The following EEF1AKMT2 variants were observed in gnomAD, a reference collection of about 807,000 sequenced individuals.
The protein encoded by EEF1AKMT2 is EEF1A lysine methyltransferase 2.
Under a neutral mutation model 35.8 loss-of-function variants are expected in EEF1AKMT2, and 32 were observed. That is an observed-to-expected ratio of 0.89 (90% CI 0.67 to 1.20). The LOEUF (loss-of-function observed/expected upper bound fraction) is 1.20, where lower values mean the gene tolerates loss of function less well. Among genes scored for constraint, EEF1AKMT2 ranks in the 50% most tolerant of loss-of-function variants. EEF1AKMT2 has a pLI of 0.00. For synonymous variants in EEF1AKMT2, 121 were observed against 133.7 expected (o/e 0.91, Z 0.65); for missense variants, 330 against 347.5 (o/e 0.95, Z 0.40).
chr10:124,757,166 CCACACA>C (rs55709011), downstream of EEF1AKMT2, among the ~76,000 whole-genome samples: 3,678 of 143,136 alleles, frequency 0.026, 61 homozygotes, highest in South Asian at 0.088. Flanking sequence ...ACACTCCCTC[CCACACA>C]CACACACACA....
At position 124,783,700 on chromosome 10, in the gene EEF1AKMT2, G is replaced by A. The variant is rs537176196; in HGVS notation, c.291+5343C>T. Among the ~76,000 whole-genome samples, 104 of 151,776 alleles carry A rather than the reference G, an allele frequency of 6.9e-4. 1 individual carries two copies. The highest frequency in any genetic ancestry group is 2.3e-3 in the African/African-American group (96 of 41,348). On this transcript the variant is annotated intron_variant, in intron 3 of 6. Transcript: ENST00000368836. ...CACTCTGTCACCCAGGCTGGAGTGC[G>A]GTGGCATAATCATGGCTCACTGCAG...
intron 4 of EEF1AKMT2, among the ~76,000 whole-genome samples, chr10:124,773,398 T>G (rs1950456783): frequency 6.6e-6 from 1 of 152,052 alleles, no homozygotes; most frequent in Non-Finnish European, 1.5e-5. Context: ...CACCTGGCTA[T>G]TTTTTGTACT....
At chr10:124,773,971 G>A (rs1024650368) in intron 4 of EEF1AKMT2, among the ~76,000 whole-genome samples, 2 of 152,098 alleles carry the variant, frequency 1.3e-5, no homozygotes, top group African/African-American at 2.4e-5. Context: ...AGAGAGGCCT[G>A]GGCTAGAAAT....
intron 1 of EEF1AKMT2, among the ~76,000 whole-genome samples, chr10:124,791,230 G>T (rs970146011): frequency 1.3e-5 from 2 of 151,760 alleles, no homozygotes; most frequent in African/African-American, 2.4e-5. Flanking sequence ...AGGTCAGATC[G>T]CTTTCTTTCA....
chr10:124,785,895 CAAA>C (rs34637624), intron 3 of EEF1AKMT2, among the ~76,000 whole-genome samples: 4 of 59,462 alleles, frequency 6.7e-5, no homozygotes, highest in Non-Finnish European at 8.8e-5. Flanking sequence ...GACTCTGTCT[CAAA>C]AAAAAAAAAA....
chr10:124,790,308 T>G lies in EEF1AKMT2; in HGVS notation c.141A>C (p.Gln47His), dbSNP rs749815979. 2 of 1,612,964 alleles carry G rather than the reference T, an allele frequency of 1.2e-6. No individual in the cohort carries two copies. Among genetic ancestry groups the G allele is most frequent in the African/African-American group, 2.7e-5 (2 of 74,888 alleles). Reference protein sequence around the residue: ...HWDAVYERELQTFREYGDTGE... With the variant: ...HWDAVYERELHTFREYGDTGE... ...CTGTATCTCCATATTCTCGGAAAGT[T>G]TGCAGTTCTCTCTCATAGACAGCAT... Residue 47 changes from glutamine (Q) to histidine (H), a missense_variant, in exon 2 of 7, where the codon CAA becomes CAC. Gln to His is a conservative substitution (Grantham distance 24). Transcript: ENST00000368836.
Position 124,765,747 on chromosome 10 carries a change from A to G in EEF1AKMT2, c.400-139T>C. The G allele has an allele frequency of 4.7e-6, 3 of 637,844 alleles. No homozygotes were observed. In the South Asian group the frequency reaches 6.3e-5, roughly 13 times the overall value. The allele number at this position is 637,844 out of a possible 1,614,324, so 39.5% of individuals were successfully genotyped here. A position where few individuals can be genotyped will look rare whatever the true frequency, so the allele number is the denominator to read the frequency against. On this transcript the variant is annotated intron_variant, in intron 4 of 6. Transcript: ENST00000368836. ...TTTACATATAATAAACATATTTTCA[A>G]CTTTATAGCTAACTTTTATGAGCTT...
intron 4 of EEF1AKMT2, among the ~76,000 whole-genome samples, chr10:124,767,315 C>A (rs2134123527): frequency 6.6e-6 from 1 of 150,924 alleles, no homozygotes; most frequent in South Asian, 2.1e-4. Flanking sequence ...AGATCAAGAC[C>A]ATCCTGGCTA....
intron 3 of EEF1AKMT2, among the ~76,000 whole-genome samples, chr10:124,781,918 C>G (rs2134138266): frequency 6.6e-6 from 1 of 152,098 alleles, no homozygotes; most frequent in Middle Eastern, 3.4e-3. Context: ...ACAACTACAA[C>G]ATAAAGGTGA....
intron 3 of EEF1AKMT2, among the ~76,000 whole-genome samples, chr10:124,782,620 T>C (rs963688312): frequency 1.4e-5 from 2 of 139,942 alleles, no homozygotes; most frequent in Non-Finnish European, 3.0e-5. Flanking sequence ...AAGACCAGCC[T>C]GGACAACAGG....
rs1026484465 is a variant in EEF1AKMT2, at chr10:124,789,218, C to G, written c.177-61G>C. 11 of 1,094,188 alleles carry G rather than the reference C, an allele frequency of 1.0e-5. No individual in the cohort carries two copies. The African/African-American group carries it at 1.3e-4, about 12-fold the overall frequency. 67.8% of individuals were successfully genotyped at this position (1,094,188 alleles called of 1,614,324 possible). A position where few individuals can be genotyped will look rare whatever the true frequency, so the allele number is the denominator to read the frequency against. On this transcript the variant is annotated intron_variant, in intron 2 of 6. Transcript: ENST00000368836. Reference sequence around the variant, plus strand: ...CAGAGCAAAAGTCACCACTATATTCCATTTAAGCTATTTATACCATATGCT... The same window carrying G: ...CAGAGCAAAAGTCACCACTATATTCGATTTAAGCTATTTATACCATATGCT...
At chr10:124,771,317 T>A (rs192601256) in intron 4 of EEF1AKMT2, among the ~76,000 whole-genome samples, 2 of 151,782 alleles carry the variant, frequency 1.3e-5, no homozygotes, top group Admixed American at 1.3e-4. Context: ...GCCAGGATGG[T>A]CTTGATCTCC....
Position 124,779,747 on chromosome 10 carries a change from C to CAAAAAAAAAAAA in EEF1AKMT2, c.292-4977_292-4966dup, listed in dbSNP as rs34475748. On this transcript the variant is annotated intron_variant, in intron 3 of 6. Coordinates refer to ENST00000368836, the MANE Select transcript of EEF1AKMT2 (RefSeq NM_212554.4). ...TGGGCGACAGAGCGAGACTCCATCT[C>CAAAAAAAAAAAA]AAAAAAAAAAAAAAAAAAAAAAAGA... Among the ~76,000 whole-genome samples the CAAAAAAAAAAAA allele has an allele frequency of 1.1e-4, 3 of 28,190 alleles. 1 individual carries two copies. The highest frequency in any genetic ancestry group is 1.9e-4 in the Non-Finnish European group (3 of 15,612). 18.5% of individuals were successfully genotyped at this position (28,190 alleles called of 152,430 possible). A position where few individuals can be genotyped will look rare whatever the true frequency, so the allele number is the denominator to read the frequency against.
intron 3 of EEF1AKMT2, among the ~76,000 whole-genome samples, chr10:124,782,743 G>A (rs948054861): frequency 1.3e-5 from 2 of 151,484 alleles, no homozygotes; most frequent in African/African-American, 4.9e-5. Context: ...AACCCAGGAG[G>A]TGGAGGTTGC....
chr10:124,784,455 CAT>C (rs1950567859), intron 3 of EEF1AKMT2, among the ~76,000 whole-genome samples: 1 of 151,688 alleles, frequency 6.6e-6, no homozygotes, highest in South Asian at 2.1e-4. Flanking sequence ...TAAAATATAA[CAT>C]ATCAAAATTT....
chr10:124,791,643 G>A (rs1950635544), intron 1 of EEF1AKMT2, 81 bp downstream of exon 1: 2 of 1,528,502 alleles, frequency 1.3e-6, no homozygotes, highest in Non-Finnish European at 8.8e-7. Flanking sequence ...CCTGAGCCCC[G>A]GGTCTCCACC....
chr10:124,790,490 G>T, intron 1 of EEF1AKMT2, 152 bp from the exon 2 acceptor site: 1 of 632,004 alleles, frequency 1.6e-6, no homozygotes, highest in Non-Finnish European at 2.8e-6. Flanking sequence ...ATCTTTTAAC[G>T]TCCTTGAGTT....
intron 3 of EEF1AKMT2, among the ~76,000 whole-genome samples, chr10:124,776,945 T>C (rs1950492521): frequency 6.6e-6 from 1 of 151,406 alleles, no homozygotes. Context: ...ATACACAGAA[T>C]GACAAAAGAA....
intron 4 of EEF1AKMT2, among the ~76,000 whole-genome samples, chr10:124,771,833 C>T (rs778427991): frequency 6.6e-6 from 1 of 152,148 alleles, no homozygotes; most frequent in African/African-American, 2.4e-5. Flanking sequence ...CGAGTCACTA[C>T]ACTCCAGCCT....
Sources: allele counts gnomAD v4.1 joint callset (sites outside exome capture counted in the v4.1 genomes callset), GRCh38; gene constraint gnomAD v4.1.1; transcripts MANE v1.5; gene names NCBI Gene and HGNC (gene_info 2026-07-23, HGNC 2026-07-21).